Variants in SBF1 observed in about 807,000 individuals in gnomAD.
The protein encoded by SBF1 is myotubularin-related protein 5.
In SBF1, 65 loss-of-function variants were observed where a neutral mutation model predicts 215.8. The observed-to-expected ratio is 0.30, with a 90% CI of 0.25 to 0.37. The LOEUF (loss-of-function observed/expected upper bound fraction) is 0.37, where lower values mean the gene tolerates loss of function less well. SBF1 is among the 10% of genes least tolerant of loss of function. The pLI, the probability that SBF1 is intolerant of heterozygous loss-of-function variation, is 1.00. For synonymous variants in SBF1, 1,410 were observed against 1,122.8 expected (o/e 1.26, Z -5.11); for missense variants, 2,634 against 2,667.8 (o/e 0.99, Z 0.28).
chr22:50,455,818 G>A (rs903413494), intron 31 of SBF1: 20 of 570,850 alleles, frequency 3.5e-5, no homozygotes, highest in African/African-American at 2.4e-4. Flanking sequence ...TAGGACTGAG[G>A]GACGTCCCTG....
Position 50,448,659 on chromosome 22 carries a change from A to G in SBF1, c.5044-9T>C, listed in dbSNP as rs764688618. 6.3e-7 allele frequency: 1 copy of G among 1,598,322 alleles called. No individual in the cohort carries two copies. Among genetic ancestry groups the G allele is most frequent in the Non-Finnish European group, 8.5e-7 (1 of 1,170,314 alleles). ...TCCAGCCTCTGCAGCTCCTGGGGGAAGAATTAATGGCAAGTTTATTCAAAA... is the reference window on the plus strand; with the variant it reads ...TCCAGCCTCTGCAGCTCCTGGGGGAGGAATTAATGGCAAGTTTATTCAAAA... On this transcript the variant is annotated splice_polypyrimidine_tract_variant and intron_variant, in intron 36 of 40. Transcript: ENST00000380817.
chr22:50,447,075 G>GA lies in SBF1; in HGVS notation c.*66_*67insT. On this transcript the variant is annotated 3_prime_UTR_variant, in exon 41 of 41. Coordinates refer to ENST00000380817, the MANE Select transcript of SBF1 (RefSeq NM_002972.4). ...GGCCGGGGCTGTAAACATGGCCGGG[G>GA]CGGCCCTGCCCACCCCTAGTGGTCG... 7.1e-7 allele frequency: 1 copy of GA among 1,413,766 alleles called. No individual in the cohort carries two copies. Among genetic ancestry groups the GA allele is most frequent in the Non-Finnish European group, 9.8e-7 (1 of 1,024,186 alleles). 87.6% of individuals were successfully genotyped at this position (1,413,766 alleles called of 1,614,324 possible).
chr22:50,458,525 G>C (rs1056103543), intron 28 of SBF1, among the ~76,000 whole-genome samples: 1 of 152,174 alleles, frequency 6.6e-6, no homozygotes, highest in African/African-American at 2.4e-5. Flanking sequence ...AGGGTTTCTG[G>C]CAGGGGTGGG....
At chr22:50,468,183 G>C (rs1366659617) in intron 2 of SBF1, among the ~76,000 whole-genome samples, 193 bp downstream of exon 2, 1 of 152,206 alleles carries the variant, frequency 6.6e-6, no homozygotes, top group South Asian at 2.1e-4. Context: ...GTGACAACAT[G>C]ACACAGTGAC....
At chr22:50,454,162 G>A (rs1392638844) in intron 36 of SBF1, among the ~76,000 whole-genome samples, 3 of 152,230 alleles carry the variant, frequency 2.0e-5, no homozygotes, top group African/African-American at 7.2e-5. Context: ...GTAAAACACT[G>A]TCGTCTCTAA....
intron 10 of SBF1, 115 bp from the exon 11 acceptor site, chr22:50,465,443 G>A: frequency 1.1e-6 from 1 of 884,188 alleles, no homozygotes; most frequent in East Asian, 2.7e-5. Context: ...CCATCCTTCT[G>A]CCCCTCCCAC....
intron 31 of SBF1, 30 bp from the exon 32 acceptor site, chr22:50,455,612 G>A (rs2067216379): frequency 6.5e-7 from 1 of 1,539,842 alleles, no homozygotes. Flanking sequence ...CAGCACCTCG[G>A]GGACCCACCG....
intron 39 of SBF1, 31 bp downstream of exon 39, chr22:50,447,491 C>CGGGGGG: frequency 2.5e-6 from 4 of 1,609,494 alleles, no homozygotes; most frequent in Non-Finnish European, 2.6e-6. Context: ...CCCCCTCCCC[C>CGGGGGG]GTGAGTCCCC....
intron 28 of SBF1, 122 bp from the exon 29 acceptor site, chr22:50,457,233 C>T: frequency 1.4e-6 from 1 of 722,428 alleles, no homozygotes. Flanking sequence ...CAGCAGGGGT[C>T]AGCCCCAAGT....
rs998310018 is a variant in SBF1 at position 50,447,034 on chromosome 22, C to T, written c.*108G>A. 15 of 973,440 alleles carry T rather than the reference C, an allele frequency of 1.5e-5. No individual in the cohort carries two copies. Among genetic ancestry groups the T allele is most frequent in the Admixed American group, 6.3e-5 (3 of 47,614 alleles). 60.3% of individuals were successfully genotyped at this position (973,440 alleles called of 1,614,324 possible). On this transcript the variant is annotated 3_prime_UTR_variant, in exon 41 of 41. Transcript: ENST00000380817. ...ACACACAAGTGCTGGGGGCTCGGGG[C>T]CTCAATACTGTCGAGGGCCGGGGCT... is the stretch of plus-strand genomic sequence containing the variant.
Position 50,466,651 on chromosome 22 carries a change from C to T in SBF1, c.609G>A (p.Ser203=), listed in dbSNP as rs749860622. The T allele has an allele frequency of 1.4e-5, 21 of 1,551,368 alleles. No homozygotes were observed. The highest frequency in any genetic ancestry group is 1.8e-5 in the Non-Finnish European group (21 of 1,147,268). ...RQVIQTPLAD[S]LPVSRCSVAL... ...CCACGCTGCAGCGGCTGACGGGCAG[C>T]GAGTCGGCCAGTGGAGTCTGGATGA... Residue 203 remains serine (S), a synonymous_variant, in exon 6 of 41, where the codon TCG becomes TCA. Transcript: ENST00000380817.
At position 50,464,560 on chromosome 22, in the gene SBF1, G is replaced by A. The variant is rs541309044; in HGVS notation, c.1610C>T (p.Thr537Ile). The change falls in exon 14 of 41, where the codon ACC becomes ATC. Residue 537 changes from threonine (T) to isoleucine (I), a missense_variant. Physicochemically the swap from Thr to Ile is moderately conservative, Grantham distance 89. Transcript: ENST00000380817. Reference protein sequence around the residue: ...APPAVKAERRTTVPSGPPMTA... With the variant: ...APPAVKAERRITVPSGPPMTA... ...CATGGGGGGCCCTGAGGGCACGGTG[G>A]TCCTCCTCTCGGCCTTCACAGCTGG... The A allele has an allele frequency of 6.2e-7, 1 of 1,611,866 alleles. No homozygotes were observed. The highest frequency in any genetic ancestry group is 2.2e-5 in the East Asian group (1 of 44,856).
chr22:50,474,247 A>AT (rs1304454320), intron 1 of SBF1, among the ~76,000 whole-genome samples: 1 of 152,154 alleles, frequency 6.6e-6, no homozygotes, highest in Non-Finnish European at 1.5e-5. Context: ...GTTTCAAATC[A>AT]AACACCGCTT....
Position 50,460,333 on chromosome 22 carries a change from G to A in SBF1, c.3222C>T (p.Asn1074=). 2.5e-6 allele frequency: 4 copies of A among 1,613,592 alleles called. No homozygotes were observed. The highest frequency in any genetic ancestry group is 3.4e-6 in the Non-Finnish European group (4 of 1,179,652). ...GRQHVTRKKY[N]PPSWEHRGQP... ...GGCCCCGGTGCTCCCAGCTGGGGGG[G>A]TTGTACTTCTTGCGAGTGACATGCT... The change falls in exon 25 of 41, where the codon AAC becomes AAT. Residue 1074 remains asparagine (N), a synonymous_variant. Transcript: ENST00000380817.
In SBF1 at chr22:50,460,107, G is replaced by A. The variant is rs554658103; in HGVS notation, c.3336C>T (p.Pro1112=). The change falls in exon 26 of 41, where the codon CCC becomes CCT. Residue 1112 remains proline (P), a synonymous_variant. Transcript: ENST00000380817. ...GGCTGCTCATGGTCATGCGGTCGGA[G>A]GGCTTCAGGGCTGAGGACGGGGTCA... ...STLTPSSALK[P]SDRMTMSSLV... is the part of the protein sequence containing the mutation. 7.1e-5 allele frequency: 115 copies of A among 1,613,438 alleles called. No homozygotes were observed. The South Asian group carries it at 1.1e-3, about 16-fold the overall frequency.
chr22:50,454,071 G>A (rs1007764971), intron 36 of SBF1, among the ~76,000 whole-genome samples: 2 of 152,204 alleles, frequency 1.3e-5, no homozygotes, highest in African/African-American at 4.8e-5. Flanking sequence ...GGTAAGAGAG[G>A]CCTCAATGTC....
At position 50,467,734 on chromosome 22, in the gene SBF1, C is replaced by T. The variant is rs753709812; in HGVS notation, c.280-44G>A. 45 of 1,610,010 alleles carry T rather than the reference C, an allele frequency of 2.8e-5. No homozygotes were observed. The East Asian group carries it at 7.1e-4, about 26-fold the overall frequency. ...AGACGGGGGCAGGGGGAGTTGGCCA[C>T]GGCCCAAGGATGCAGCTTCATTCAT... is the stretch of plus-strand genomic sequence containing the variant. On this transcript the variant is annotated intron_variant, in intron 3 of 40. Transcript: ENST00000380817.
In SBF1 at chr22:50,456,369, C is replaced by G. The variant is rs2067246548; in HGVS notation, c.4113G>C (p.Gln1371His). 2 of 1,613,164 alleles carry G rather than the reference C, an allele frequency of 1.2e-6. No homozygotes were observed. The highest frequency in any genetic ancestry group is 1.7e-6 in the Non-Finnish European group (2 of 1,179,992). Residue 1371 changes from glutamine to histidine, a missense_variant, in exon 31 of 41, where the codon CAG (glutamine) becomes CAC (histidine). By Grantham distance (24) the Gln-to-His change is conservative (BLOSUM62 0). Coordinates refer to ENST00000380817, the MANE Select transcript of SBF1 (RefSeq NM_002972.4). ...ATACCTCAATGGGCACCAGCTCCCA[C>G]TGCTGCAGGGGGTCTGACCGCACAC... is the stretch of plus-strand genomic sequence containing the variant. ...LKGVRSDPLQ[Q>H]WELVPIEVFE... is the part of the protein sequence containing the mutation.
chr22:50,454,409 G>T, intron 36 of SBF1, 103 bp downstream of exon 36: 2 of 1,024,358 alleles, frequency 2.0e-6, no homozygotes, highest in Non-Finnish European at 3.0e-6. Flanking sequence ...AGGGGTAACC[G>T]GACTTACGTG....
Sources: allele counts gnomAD v4.1 joint callset (sites outside exome capture counted in the v4.1 genomes callset), GRCh38; gene constraint gnomAD v4.1.1; transcripts MANE v1.5; gene names NCBI Gene and HGNC (gene_info 2026-07-23, HGNC 2026-07-21).